The following LRRK1 variants were observed in gnomAD, a reference collection of about 807,000 sequenced individuals.
LRRK1 encodes the protein leucine rich repeat kinase 1, also known as leucine-rich repeat serine/threonine-protein kinase 1.
LRRK1 carries 113 observed loss-of-function variants against 209.1 expected under a neutral mutation model. That is an observed-to-expected ratio of 0.54 (90% CI 0.46 to 0.63). The LOEUF (loss-of-function observed/expected upper bound fraction) is 0.63. Among genes scored for constraint, LRRK1 ranks in the 30% least tolerant of loss-of-function variants. The probability of loss-of-function intolerance (pLI) is 0.00; values close to 1 mark genes in which losing one functional copy is unlikely to be tolerated. For synonymous variants in LRRK1, 1,144 were observed against 1,099.7 expected (o/e 1.04, Z -0.80); for missense variants, 2,284 against 2,632.2 (o/e 0.87, Z 2.89).
chr15:100,937,295 A>G (rs1339446491), intron 2 of LRRK1, among the ~76,000 whole-genome samples: 1 of 152,148 alleles, frequency 6.6e-6, no homozygotes, highest in Non-Finnish European at 1.5e-5. Flanking sequence ...AATACAATAA[A>G]AAGTACCCAT....
In LRRK1 at chr15:101,057,010, A is replaced by C; in HGVS notation, c.4487A>C (p.Gln1496Pro). ...GAGGAAGTGCAGTTCCGGCGACTGC[A>C]GGCGCTCATGATGGAGTGCTGGGAC... ...QPEEVQFRRLQALMMECWDTK... is the reference protein window; with the variant it reads ...QPEEVQFRRLPALMMECWDTK... Residue 1496 changes from glutamine (Q) to proline (P), a missense_variant, in exon 28 of 34, where the codon CAG becomes CCG. Gln to Pro is a moderately conservative substitution (Grantham distance 76). Transcript: ENST00000388948. The C allele has an allele frequency of 1.2e-6, 2 of 1,613,538 alleles. No individual in the cohort carries two copies. The highest frequency in any genetic ancestry group is 1.7e-6 in the Non-Finnish European group (2 of 1,179,710).
At chr15:101,015,616 ACT>A (rs2033499582) in intron 12 of LRRK1, among the ~76,000 whole-genome samples, 1 of 151,770 alleles carries the variant, frequency 6.6e-6, no homozygotes, top group Admixed American at 6.6e-5. Context: ...CTCAAGCCCC[ACT>A]CTCCTGCGTG....
At chr15:101,007,388 A>G (rs1203590194) in intron 6 of LRRK1, among the ~76,000 whole-genome samples, 1 of 152,190 alleles carries the variant, frequency 6.6e-6, no homozygotes, top group African/African-American at 2.4e-5. Flanking sequence ...TTCTTCGGTA[A>G]TCAGGAAGAA....
In LRRK1 at chr15:100,947,190, C is replaced by T. The variant is rs1428759563; in HGVS notation, c.97+22461C>T. 2.0e-5 allele frequency among the ~76,000 whole-genome samples: 3 copies of T among 152,068 alleles called. No individual in the cohort carries two copies. The East Asian group carries it at 5.8e-4, about 29-fold the overall frequency. On this transcript the variant is annotated intron_variant, in intron 2 of 33. Coordinates refer to ENST00000388948, the MANE Select transcript of LRRK1 (RefSeq NM_024652.6). Reference sequence around the variant, plus strand: ...GCCAAGATGGTCTCCATCTCCTGACCTCGTGATCCGCCCGCCTCGGCCTCC... The same window carrying T: ...GCCAAGATGGTCTCCATCTCCTGACTTCGTGATCCGCCCGCCTCGGCCTCC...
intron 6 of LRRK1, among the ~76,000 whole-genome samples, chr15:101,003,012 A>G (rs1368539890): frequency 6.6e-6 from 1 of 152,242 alleles, no homozygotes; most frequent in Non-Finnish European, 1.5e-5. Flanking sequence ...GATTACAGGC[A>G]TGAGCCACTG....
At chr15:100,982,422 A>G (rs994859351) in intron 3 of LRRK1, among the ~76,000 whole-genome samples, 13 of 152,244 alleles carry the variant, frequency 8.5e-5, no homozygotes, top group South Asian at 2.1e-4. Flanking sequence ...ACACTGGTCA[A>G]TGATAGCCAC....
In LRRK1 at chr15:100,983,750, T is replaced by C. The variant is rs541174772; in HGVS notation, c.433+51T>C. The stretch of plus-strand genomic sequence containing the variant: ...ACCGTGTCTCAGGGCACCCTCTTCT[T>C]AGGCTTCACCCCAAAATGTTTACTT... On this transcript the variant is annotated intron_variant, in intron 4 of 33. Coordinates refer to ENST00000388948, the MANE Select transcript of LRRK1 (RefSeq NM_024652.6). The C allele has an allele frequency of 3.9e-6, 6 of 1,534,270 alleles. No individual in the cohort carries two copies. In the South Asian group the frequency reaches 4.5e-5, roughly 11 times the overall value.
chr15:100,980,544 T>C (rs1347985958), intron 3 of LRRK1, among the ~76,000 whole-genome samples: 5 of 152,168 alleles, frequency 3.3e-5, no homozygotes, highest in South Asian at 2.1e-4. Context: ...TGTGACAAAA[T>C]GCAGAACTAT....
intron 20 of LRRK1, among the ~76,000 whole-genome samples, chr15:101,030,455 T>C (rs2034231232): frequency 1.3e-5 from 2 of 152,134 alleles, no homozygotes; most frequent in Admixed American, 6.5e-5. Flanking sequence ...CTCCAGAGGC[T>C]CAGGCCTGAG....
At chr15:101,013,197 T>C (rs2033359662) in intron 10 of LRRK1, among the ~76,000 whole-genome samples, 2 of 152,086 alleles carry the variant, frequency 1.3e-5, no homozygotes, top group Non-Finnish European at 2.9e-5. Flanking sequence ...GTCTGGCACA[T>C]GGCAGGGTCT....
chr15:101,011,583 A>AGT (rs1393342776), intron 9 of LRRK1, among the ~76,000 whole-genome samples: 4 of 69,816 alleles, frequency 5.7e-5, no homozygotes, highest in African/African-American at 2.3e-4. Flanking sequence ...TAGCATGAAG[A>AGT]ATGTGTGTGT....
chr15:100,982,056 G>A (rs1321171184), intron 3 of LRRK1, among the ~76,000 whole-genome samples: 1 of 149,212 alleles, frequency 6.7e-6, no homozygotes, highest in Non-Finnish European at 1.5e-5. Context: ...GTTGATGGGG[G>A]CACTCGCCAT....
At chr15:100,972,152 G>A (rs1459859718) in intron 2 of LRRK1, among the ~76,000 whole-genome samples, 3 of 151,632 alleles carry the variant, frequency 2.0e-5, no homozygotes, top group African/African-American at 4.8e-5. Flanking sequence ...CAGTAGAGAC[G>A]GGGTTTCACC....
intron 20 of LRRK1, among the ~76,000 whole-genome samples, chr15:101,031,736 CTA>C: frequency 7.0e-6 from 1 of 143,036 alleles, no homozygotes; most frequent in African/African-American, 2.5e-5. Context: ...TTCCTCCCCA[CTA>C]TTTTTTTTTT....
chr15:100,973,959 C>A lies in LRRK1; in HGVS notation c.253C>A (p.Leu85Met), dbSNP rs796076773. The A allele has an allele frequency of 7.2e-6, 9 of 1,250,134 alleles. No homozygotes were observed. The East Asian group carries it at 1.3e-4, about 18-fold the overall frequency. The allele number at this position is 1,250,134 out of a possible 1,614,324, so 77.4% of individuals were successfully genotyped here. Residue 85 changes from leucine to methionine, a missense_variant, in exon 3 of 34, where the codon CTG becomes ATG. Coordinates refer to ENST00000388948, the MANE Select transcript of LRRK1 (RefSeq NM_024652.6). Reference protein sequence around the residue: ...EEACDQCASQLEKGQLLSIPA... With the variant: ...EEACDQCASQMEKGQLLSIPA... Reference sequence around the variant, plus strand: ...GGCCTGCGACCAGTGCGCGTCCCAGCTGGAAAAGGTAGGGGAGCGCCTGCC... The same window carrying A: ...GGCCTGCGACCAGTGCGCGTCCCAGATGGAAAAGGTAGGGGAGCGCCTGCC...
At chr15:101,011,065 C>T (rs971848033) in intron 9 of LRRK1, among the ~76,000 whole-genome samples, 2 of 152,154 alleles carry the variant, frequency 1.3e-5, no homozygotes, top group Non-Finnish European at 2.9e-5. Context: ...TCAAGAGCCA[C>T]CCAGCAACAC....
At chr15:100,943,113 A>T (rs2042474317) in intron 2 of LRRK1, among the ~76,000 whole-genome samples, 1 of 152,218 alleles carries the variant, frequency 6.6e-6, no homozygotes. Context: ...CTAAGGCAAC[A>T]GTCTATGTAA....
chr15:101,052,806 C>A, intron 24 of LRRK1, 116 bp from the exon 25 acceptor site: 2 of 1,277,738 alleles, frequency 1.6e-6, no homozygotes, highest in South Asian at 1.5e-5. Flanking sequence ...CAGATCTGTC[C>A]AGCCTCACAG....
intron 30 of LRRK1, 65 bp downstream of exon 30, chr15:101,061,353 G>A: frequency 8.7e-7 from 1 of 1,148,966 alleles, no homozygotes; most frequent in Non-Finnish European, 1.3e-6. Context: ...GCCCTGGGTG[G>A]GGGCCACATT....
Sources: gnomAD v4.1 joint callset for allele counts (sites outside exome capture counted in the v4.1 genomes callset) on GRCh38, gnomAD v4.1.1 for gene constraint, MANE v1.5 for transcripts, NCBI Gene and HGNC (gene_info 2026-07-23, HGNC 2026-07-21) for gene names.